PIK3R5: variants seen among roughly 807,000 people sequenced by gnomAD.
PIK3R5 encodes the protein phosphoinositide-3-kinase regulatory subunit 5.
Under a neutral mutation model 94.9 loss-of-function variants are expected in PIK3R5, and 32 were observed. The observed-to-expected ratio is 0.34, with a 90% CI of 0.25 to 0.45. PIK3R5 has a LOEUF of 0.45. Ranked by LOEUF, PIK3R5 falls within the 20% of genes least tolerant of loss-of-function variation. The pLI, the probability that PIK3R5 is intolerant of heterozygous loss-of-function variation, is 1.00. For synonymous variants in PIK3R5, 443 were observed against 479.4 expected (o/e 0.92, Z 0.99); for missense variants, 853 against 1,144.6 (o/e 0.75, Z 3.68).
At chr17:8,958,723 T>C (rs973562680) in intron 1 of PIK3R5, among the ~76,000 whole-genome samples, 9 of 151,944 alleles carry the variant, frequency 5.9e-5, no homozygotes, top group African/African-American at 1.9e-4. Flanking sequence ...TTTATATTCA[T>C]GTGTGTGGCC....
chr17:8,958,074 G>T (rs1335033722), intron 1 of PIK3R5, among the ~76,000 whole-genome samples: 1 of 152,140 alleles, frequency 6.6e-6, no homozygotes, highest in Non-Finnish European at 1.5e-5. Flanking sequence ...ACTTTGGGAG[G>T]CCAAGGCTGG....
In PIK3R5 at chr17:8,945,593, A is replaced by T. The variant is rs1217806862; in HGVS notation, c.-14+20003T>A. ...AAAGCAGACATCTCAAATCCACCGT[A>T]GTCCAGAAACAACACAAAATGAGAA... On this transcript the variant is annotated intron_variant, in intron 1 of 18. Coordinates refer to ENST00000447110, the MANE Select transcript of PIK3R5 (RefSeq NM_001142633.3). The surrounding 1 kb of genome is among the most constrained non-coding windows in gnomAD (Gnocchi z 4.0). 6.6e-6 allele frequency among the ~76,000 whole-genome samples: 1 copy of T among 152,162 alleles called. No homozygotes were observed. Among genetic ancestry groups the T allele is most frequent in the African/African-American group, 2.4e-5 (1 of 41,458 alleles).
In PIK3R5 at chr17:8,905,660, T is replaced by C. The variant is rs2090379417; in HGVS notation, c.273+9A>G. 1 of 1,591,896 alleles carries C rather than the reference T, an allele frequency of 6.3e-7. No individual in the cohort carries two copies. Among genetic ancestry groups the C allele is most frequent in the Non-Finnish European group, 8.6e-7 (1 of 1,168,960 alleles). On this transcript the variant is annotated intron_variant, in intron 4 of 18. Coordinates refer to ENST00000447110, the MANE Select transcript of PIK3R5 (RefSeq NM_001142633.3). ...CTCACCTCCAGCATCCTGGCCCACG[T>C]GGACTTACACAAAGAACAGTGGAAT... is the stretch of plus-strand genomic sequence containing the variant.
chr17:8,898,042 C>A (rs749227211), intron 5 of PIK3R5, among the ~76,000 whole-genome samples: 4 of 152,190 alleles, frequency 2.6e-5, no homozygotes, highest in Non-Finnish European at 4.4e-5. Context: ...CCAGCTCAGT[C>A]CTAACTGATC....
intron 1 of PIK3R5, among the ~76,000 whole-genome samples, chr17:8,922,705 T>C (rs1204260070): frequency 6.6e-6 from 1 of 152,176 alleles, no homozygotes; most frequent in Non-Finnish European, 1.5e-5. Flanking sequence ...TCACTTCCTC[T>C]GTCCTAGCTT....
Position 8,917,625 on chromosome 17 carries a change from G to A in PIK3R5, c.-13-6118C>T, listed in dbSNP as rs537034522. Among the ~76,000 whole-genome samples, 14 of 152,306 alleles carry A rather than the reference G, an allele frequency of 9.2e-5. No individual in the cohort carries two copies. In the South Asian group the frequency reaches 1.9e-3, roughly 20 times the overall value. ...TCATGCCTGTAATCCCAGCACTTTG[G>A]GAGGCCAACGCGGGTGGATCACCTG... On this transcript the variant is annotated intron_variant, in intron 1 of 18. Coordinates refer to ENST00000447110, the MANE Select transcript of PIK3R5 (RefSeq NM_001142633.3).
rs1391139227 is a variant in PIK3R5 at position 8,887,505 on chromosome 17, C to T, written c.1779+16G>A. The T allele has an allele frequency of 6.3e-7, 1 of 1,595,960 alleles. No homozygotes were observed. The highest frequency in any genetic ancestry group is 8.5e-7 in the Non-Finnish European group (1 of 1,171,114). The stretch of plus-strand genomic sequence containing the variant: ...ACTCTACTTTCCCCGACCATTGGCC[C>T]AGGCTGGGGACATACTCCAGGGCTG... On this transcript the variant is annotated intron_variant, in intron 11 of 18. Coordinates refer to ENST00000447110, the MANE Select transcript of PIK3R5 (RefSeq NM_001142633.3).
At chr17:8,927,052 A>G (rs1021126076) in intron 1 of PIK3R5, among the ~76,000 whole-genome samples, 18 of 152,294 alleles carry the variant, frequency 1.2e-4, no homozygotes, top group African/African-American at 4.3e-4. Flanking sequence ...GAGAAGGCAC[A>G]CAGGCTAGGG....
chr17:8,897,193 CA>C (rs1243538612), intron 5 of PIK3R5, among the ~76,000 whole-genome samples: 1 of 152,170 alleles, frequency 6.6e-6, no homozygotes. Flanking sequence ...GCACGGATTT[CA>C]GGTGAATAAA....
intron 4 of PIK3R5, 46 bp downstream of exon 4, chr17:8,905,623 T>A: frequency 6.9e-7 from 1 of 1,452,558 alleles, no homozygotes; most frequent in Non-Finnish European, 9.4e-7. Flanking sequence ...AGGTCGCTCC[T>A]CCCCCTCCTC....
At chr17:8,934,738 T>C (rs1201425951) in intron 1 of PIK3R5, among the ~76,000 whole-genome samples, 1 of 152,220 alleles carries the variant, frequency 6.6e-6, no homozygotes, top group Non-Finnish European at 1.5e-5. Flanking sequence ...AGTCGTATCA[T>C]GGGTTTTTAA....
Position 8,911,373 on chromosome 17 carries a change from C to G in PIK3R5, c.103+19G>C. 1 of 1,591,944 alleles carries G rather than the reference C, an allele frequency of 6.3e-7. No homozygotes were observed. ...CTTCCTTGAGCCCTCAAACACCTCC[C>G]CGGCTCCCTTGGACCGACCTGACCA... is the stretch of plus-strand genomic sequence containing the variant. On this transcript the variant is annotated intron_variant, in intron 2 of 18. Coordinates refer to ENST00000447110, the MANE Select transcript of PIK3R5 (RefSeq NM_001142633.3). This position sits in a 1 kb window ranked among gnomAD's most constrained non-coding sequence, Gnocchi z 5.3.
At position 8,911,921 on chromosome 17, in the gene PIK3R5, A is replaced by G. The variant is rs943371679; in HGVS notation, c.-13-414T>C. On this transcript the variant is annotated intron_variant, in intron 1 of 18. Transcript: ENST00000447110. The surrounding 1 kb of genome is among the most constrained non-coding windows in gnomAD (Gnocchi z 5.3). ...CTGAATTTCCAGGCTGTGTTTTCCA[A>G]ACCTCCAGGGATGGGGCAGAGAGCG... 1.3e-5 allele frequency: 2 copies of G among 156,214 alleles called. No homozygotes were observed. Among genetic ancestry groups the G allele is most frequent in the Non-Finnish European group, 2.8e-5 (2 of 70,360 alleles). The allele number at this position is 156,214 out of a possible 1,614,324, so 9.7% of individuals were successfully genotyped here.
chr17:8,905,756 G>C lies in PIK3R5; in HGVS notation c.205-19C>G. ...CCTGGACCTGTGGAGAGGAGGAGAA[G>C]GGGAATGAGCCTCATTCACGGGGTC... On this transcript the variant is annotated intron_variant, in intron 3 of 18. Transcript: ENST00000447110. 2 of 1,574,938 alleles carry C rather than the reference G, an allele frequency of 1.3e-6. No homozygotes were observed. The highest frequency in any genetic ancestry group is 1.7e-6 in the Non-Finnish European group (2 of 1,156,018).
At chr17:8,920,135 C>T (rs1015806713) in intron 1 of PIK3R5, among the ~76,000 whole-genome samples, 2 of 152,022 alleles carry the variant, frequency 1.3e-5, no homozygotes, top group African/African-American at 4.8e-5. Flanking sequence ...CCACCTGCCT[C>T]GGCCTCCCAA....
In PIK3R5 at chr17:8,935,971, G is replaced by A. The variant is rs1293991709; in HGVS notation, c.-13-24464C>T. Among the ~76,000 whole-genome samples the A allele has an allele frequency of 1.3e-5, 2 of 151,286 alleles. No homozygotes were observed. The highest frequency in any genetic ancestry group is 2.9e-5 in the Non-Finnish European group (2 of 67,836). On this transcript the variant is annotated intron_variant, in intron 1 of 18. Transcript: ENST00000447110. This position sits in a 1 kb window ranked among gnomAD's most constrained non-coding sequence, Gnocchi z 4.5. ...CGGGAGGCTGAGGCAGGAGAATGGCGTGAACCCGGGAGGCGGAGATTGCAG... is the reference window on the plus strand; with the variant it reads ...CGGGAGGCTGAGGCAGGAGAATGGCATGAACCCGGGAGGCGGAGATTGCAG...
At chr17:8,958,572 C>T (rs1260782946) in intron 1 of PIK3R5, among the ~76,000 whole-genome samples, 1 of 152,182 alleles carries the variant, frequency 6.6e-6, no homozygotes, top group Non-Finnish European at 1.5e-5. Flanking sequence ...TGGCACTTTA[C>T]ATCAAGGCAC....
rs192517358 is a variant in PIK3R5 at position 8,904,115 on chromosome 17, C to T, written c.412+662G>A. ...AGAGGCATCTATTGAGATGCTTTTGCGAATTTATTCCTTTGAGTACTGATT... is the reference window on the plus strand; with the variant it reads ...AGAGGCATCTATTGAGATGCTTTTGTGAATTTATTCCTTTGAGTACTGATT... On this transcript the variant is annotated intron_variant, in intron 5 of 18. Coordinates refer to ENST00000447110, the MANE Select transcript of PIK3R5 (RefSeq NM_001142633.3). The surrounding 1 kb of genome is among the most constrained non-coding windows in gnomAD (Gnocchi z 5.1). Among the ~76,000 whole-genome samples the T allele has an allele frequency of 9.7e-4, 147 of 152,252 alleles. No homozygotes were observed. The highest frequency in any genetic ancestry group is 1.6e-3 in the Non-Finnish European group (107 of 68,008).
chr17:8,960,751 G>C (rs2091549603), intron 1 of PIK3R5, among the ~76,000 whole-genome samples: 2 of 152,296 alleles, frequency 1.3e-5, no homozygotes, highest in South Asian at 4.1e-4. Flanking sequence ...ACTCTAACAA[G>C]GAAACCACAC....
Sources: allele counts gnomAD v4.1 joint callset (sites outside exome capture counted in the v4.1 genomes callset), GRCh38; gene constraint gnomAD v4.1.1; non-coding constraint Gnocchi (gnomAD v3.1); transcripts MANE v1.5; gene names NCBI Gene and HGNC (gene_info 2026-07-23, HGNC 2026-07-21).